Variants in ARB2A observed in about 807,000 individuals in gnomAD.
The protein encoded by ARB2A is ARB2 cotranscriptional regulator A.
the ARB2A span, among the ~76,000 whole-genome samples, chr5:94,005,715 A>C: frequency 6.6e-6 from 1 of 152,208 alleles, no homozygotes; most frequent in African/African-American, 2.4e-5. Context: ...CCATTAGAAA[A>C]CAGCCAAAAG....
chr5:93,738,801 GTTA>G, the ARB2A span: 1 of 152,200 alleles, frequency 6.6e-6, no homozygotes, highest in Non-Finnish European at 1.5e-5. Flanking sequence ...GGGGAATGGA[GTTA>G]TTGCTTAATG....
the ARB2A span, among the ~76,000 whole-genome samples, chr5:93,630,734 G>A: frequency 6.6e-6 from 1 of 152,012 alleles, no homozygotes; most frequent in African/African-American, 2.4e-5. Flanking sequence ...CTCAGGAGTT[G>A]GAGGCCAGGC....
the ARB2A span, among the ~76,000 whole-genome samples, chr5:93,851,171 G>A: frequency 2.6e-5 from 4 of 152,088 alleles, no homozygotes; most frequent in East Asian, 1.9e-4. Flanking sequence ...TTATTAAAAC[G>A]AGTGAAAATG....
At chr5:94,005,956 T>C in the ARB2A span, among the ~76,000 whole-genome samples, 4 of 152,190 alleles carry the variant, frequency 2.6e-5, no homozygotes, top group Admixed American at 2.6e-4. Context: ...GTACAGACAC[T>C]CTGGAAAACA....
At chr5:93,938,437 C>G in the ARB2A span, among the ~76,000 whole-genome samples, 1 of 152,174 alleles carries the variant, frequency 6.6e-6, no homozygotes, top group African/African-American at 2.4e-5. Flanking sequence ...TTGACTATCT[C>G]AAAATACATT....
chr5:93,841,216 C>T, the ARB2A span, among the ~76,000 whole-genome samples: 1 of 152,110 alleles, frequency 6.6e-6, no homozygotes. Context: ...TCTGTCGGTT[C>T]TGCATTAGCG....
chr5:93,713,376 C>T, the ARB2A span, among the ~76,000 whole-genome samples: 8 of 151,862 alleles, frequency 5.3e-5, no homozygotes, highest in East Asian at 9.7e-4. Context: ...TCTAATAATC[C>T]GATTTAAAAA....
chr5:93,763,129 C>G, the ARB2A span, among the ~76,000 whole-genome samples: 6 of 152,042 alleles, frequency 3.9e-5, no homozygotes, highest in Admixed American at 3.9e-4. Context: ...TAGGAAGAAA[C>G]TGCATCAACT....
At chr5:94,097,649 C>T in the ARB2A span, among the ~76,000 whole-genome samples, 8 of 142,590 alleles carry the variant, frequency 5.6e-5, no homozygotes, top group Non-Finnish European at 9.5e-5. Context: ...TCCCCAGCCA[C>T]ATGTAACTGT....
the ARB2A span, among the ~76,000 whole-genome samples, chr5:93,776,725 C>G: frequency 6.6e-6 from 1 of 152,150 alleles, no homozygotes; most frequent in Non-Finnish European, 1.5e-5. Flanking sequence ...TTGCAGTGAG[C>G]TGAGAGCGTG....
chr5:93,882,480 CTT>C, the ARB2A span, among the ~76,000 whole-genome samples: 5 of 141,650 alleles, frequency 3.5e-5, no homozygotes, highest in African/African-American at 5.1e-5. Flanking sequence ...GCTATTAAGG[CTT>C]TTTTTTTTTT....
At chr5:93,799,408 A>G in the ARB2A span, among the ~76,000 whole-genome samples, 1 of 152,130 alleles carries the variant, frequency 6.6e-6, no homozygotes, top group Non-Finnish European at 1.5e-5. Flanking sequence ...CCTTTCTGTC[A>G]GTTTCCATCT....
the ARB2A span, among the ~76,000 whole-genome samples, chr5:93,795,435 G>A: frequency 6.6e-6 from 1 of 152,128 alleles, no homozygotes; most frequent in African/African-American, 2.4e-5. Flanking sequence ...CAGGGAGCCT[G>A]CAGCAGTGAT....
chr5:94,048,060 T>TTTA, the ARB2A span, among the ~76,000 whole-genome samples: 4 of 144,046 alleles, frequency 2.8e-5, no homozygotes, highest in Non-Finnish European at 4.5e-5. Flanking sequence ...GCTTTTTTTT[T>TTTA]TTTTTTTTTT....
At chr5:93,797,791 C>A in the ARB2A span, among the ~76,000 whole-genome samples, 3 of 152,066 alleles carry the variant, frequency 2.0e-5, no homozygotes, top group Non-Finnish European at 2.9e-5. Flanking sequence ...GTGAAATAGA[C>A]ATGGCACAGA....
chr5:93,632,585 G>A, the ARB2A span, among the ~76,000 whole-genome samples: 6 of 152,134 alleles, frequency 3.9e-5, no homozygotes, highest in South Asian at 4.2e-4. Flanking sequence ...AAATATAAAC[G>A]GACTAGCATT....
chr5:93,815,895 G>A, the ARB2A span, among the ~76,000 whole-genome samples: 150 of 152,276 alleles, frequency 9.9e-4, no homozygotes, highest in Middle Eastern at 3.4e-3. Flanking sequence ...CCTGGTGAGA[G>A]CTCACCTTCT....
the ARB2A span, among the ~76,000 whole-genome samples, chr5:93,628,055 T>A: frequency 8.9e-6 from 1 of 112,140 alleles, no homozygotes; most frequent in South Asian, 2.9e-4. Flanking sequence ...TAGCATAATT[T>A]TTTTTTTTTT....
At chr5:93,752,662 T>C in the ARB2A span, among the ~76,000 whole-genome samples, 1 of 152,164 alleles carries the variant, frequency 6.6e-6, no homozygotes, top group African/African-American at 2.4e-5. Flanking sequence ...TTCGACCTGA[T>C]GAAATATATA....
Sources: allele counts gnomAD v4.1 joint callset (sites outside exome capture counted in the v4.1 genomes callset), GRCh38; gene constraint gnomAD v4.1.1; transcripts MANE v1.5; gene names NCBI Gene and HGNC (gene_info 2026-07-23, HGNC 2026-07-21).